OSTN: variants seen among roughly 807,000 people sequenced by gnomAD.
OSTN encodes osteocrin.
OSTN carries 9 observed loss-of-function variants against 12.0 expected under a neutral mutation model. The ratio of observed to expected loss-of-function variants is 0.75; its 90% confidence interval spans 0.45 to 1.30. The LOEUF (loss-of-function observed/expected upper bound fraction) is 1.30. Among genes scored for constraint, OSTN ranks in the 50% most tolerant of loss-of-function variants. The pLI, the probability that OSTN is intolerant of heterozygous loss-of-function variation, is 0.00. For synonymous variants in OSTN, 59 were observed against 56.9 expected (o/e 1.04, Z -0.16); for missense variants, 148 against 152.3 (o/e 0.97, Z 0.15).
chr3:191,243,183 G>T (rs1715358467), intron 3 of OSTN, among the ~76,000 whole-genome samples: 1 of 152,092 alleles, frequency 6.6e-6, no homozygotes, highest in Admixed American at 6.6e-5. Flanking sequence ...GAAATAATAG[G>T]AACTATCATA....
intron 3 of OSTN, among the ~76,000 whole-genome samples, chr3:191,231,206 G>A (rs1390051295): frequency 1.3e-5 from 2 of 151,930 alleles, no homozygotes; most frequent in African/African-American, 4.8e-5. Context: ...AATAGTTATT[G>A]CATAAAATAT....
chr3:191,258,495 G>A (rs940856911), intron 4 of OSTN, among the ~76,000 whole-genome samples: 5 of 150,010 alleles, frequency 3.3e-5, no homozygotes, highest in East Asian at 3.9e-4. Context: ...CTGTCGGGGC[G>A]TAGGAGGCAA....
chr3:191,218,880 A>C lies in OSTN; in HGVS notation c.236A>C (p.Lys79Thr). The C allele has an allele frequency of 1.2e-6, 2 of 1,614,174 alleles. No individual in the cohort carries two copies. The highest frequency in any genetic ancestry group is 2.2e-5 in the South Asian group (2 of 91,082). ...CTAGAAAATGATGTGATTGAGACAA[A>C]GAAGAAAAGGAGTTTCTCTGGTTTT... ...VSLENDVIET[K>T]KKRSFSGFGS... The change falls in exon 3 of 5, where the codon AAG becomes ACG. Residue 79 changes from lysine (K) to threonine (T), a missense_variant. Lys to Thr is a moderately conservative substitution (Grantham distance 78). Coordinates refer to ENST00000682035, the MANE Select transcript of OSTN (RefSeq NM_198184.2).
rs771584947 is a variant in OSTN, at chr3:191,218,766, T to C, written c.122T>C (p.Ile41Thr). Residue 41 changes from isoleucine to threonine, a missense_variant, in exon 3 of 5, where the codon ATA (isoleucine) becomes ACA (threonine). Ile to Thr is a moderately conservative substitution (Grantham distance 89). Coordinates refer to ENST00000682035, the MANE Select transcript of OSTN (RefSeq NM_198184.2). Reference sequence around the variant, plus strand: ...TTATAGGCCTTTGATTCTGGAGTCATAGATGTGCAGTCAACACCCACAGTC... The same window carrying C: ...TTATAGGCCTTTGATTCTGGAGTCACAGATGTGCAGTCAACACCCACAGTC... ...TTTEAFDSGV[I>T]DVQSTPTVRE... 27 of 1,613,962 alleles carry C rather than the reference T, an allele frequency of 1.7e-5. No individual in the cohort carries two copies. In the East Asian group the frequency reaches 5.3e-4, roughly 32 times the overall value.
rs941446681 is a variant in OSTN, at chr3:191,265,501, T to C, written c.*2648T>C. ...GAAAAAATAACTTAATGGAATCTTC[T>C]AAAAGGAAAAAGTATAAAAAGCTTT... On this transcript the variant is annotated 3_prime_UTR_variant, in exon 5 of 5. Transcript: ENST00000682035. 5.3e-5 allele frequency: 8 copies of C among 152,210 alleles called. No individual in the cohort carries two copies. Among genetic ancestry groups the C allele is most frequent in the Non-Finnish European group, 1.0e-4 (7 of 68,028 alleles). 9.4% of individuals were successfully genotyped at this position (152,210 alleles called of 1,614,324 possible). A position where few individuals can be genotyped will look rare whatever the true frequency, so the allele number is the denominator to read the frequency against.
In OSTN at chr3:191,263,768, C is replaced by T. The variant is rs569814954; in HGVS notation, c.*915C>T. ...CAATTGTCTTATTATCCTTAGTAAGCCAATTGAAGAGCATAATGATTTTGA... is the reference window on the plus strand; with the variant it reads ...CAATTGTCTTATTATCCTTAGTAAGTCAATTGAAGAGCATAATGATTTTGA... On this transcript the variant is annotated 3_prime_UTR_variant, in exon 5 of 5. Transcript: ENST00000682035. 6 of 152,132 alleles carry T rather than the reference C, an allele frequency of 3.9e-5. No homozygotes were observed. The East Asian group carries it at 9.7e-4, about 24-fold the overall frequency. The allele number at this position is 152,132 out of a possible 1,614,324, so 9.4% of individuals were successfully genotyped here. A position where few individuals can be genotyped will look rare whatever the true frequency, so the allele number is the denominator to read the frequency against.
chr3:191,225,168 A>C (rs1468551061), intron 3 of OSTN, among the ~76,000 whole-genome samples: 1 of 152,164 alleles, frequency 6.6e-6, no homozygotes, highest in East Asian at 1.9e-4. Context: ...GAACTTGAAA[A>C]ATAGGAAACT....
chr3:191,211,625 AT>A (rs1411070231), intron 1 of OSTN, among the ~76,000 whole-genome samples: 5 of 152,174 alleles, frequency 3.3e-5, no homozygotes, highest in Middle Eastern at 3.4e-3. Context: ...CTCCACCAGA[AT>A]TTTTTTTCCT....
intron 3 of OSTN, among the ~76,000 whole-genome samples, chr3:191,221,116 TCTC>T (rs1050288994): frequency 1.4e-4 from 21 of 152,318 alleles, no homozygotes; most frequent in African/African-American, 4.3e-4. Flanking sequence ...GCTCTGCTCT[TCTC>T]CTTGCTGCCA....
At chr3:191,256,001 C>CA (rs1715662009) in intron 4 of OSTN, among the ~76,000 whole-genome samples, 1 of 151,948 alleles carries the variant, frequency 6.6e-6, no homozygotes, top group African/African-American at 2.4e-5. Flanking sequence ...AAGAAGCAAA[C>CA]TTTGGATTGT....
chr3:191,226,255 T>A (rs578143068), intron 3 of OSTN, among the ~76,000 whole-genome samples: 1 of 152,244 alleles, frequency 6.6e-6, no homozygotes, highest in South Asian at 2.1e-4. Context: ...TTTAATGTAA[T>A]CTTTCATATT....
intron 4 of OSTN, among the ~76,000 whole-genome samples, chr3:191,258,861 G>A (rs1387223045): frequency 1.3e-5 from 2 of 152,056 alleles, no homozygotes; most frequent in Non-Finnish European, 2.9e-5. Context: ...ACTATAGTTG[G>A]CCATGTCTAA....
chr3:191,213,251 A>G (rs1714513045), intron 2 of OSTN: 2 of 152,240 alleles, frequency 1.3e-5, no homozygotes, highest in Non-Finnish European at 1.5e-5. Flanking sequence ...TGTACACAAA[A>G]TAAAATAGAG....
At chr3:191,260,321 C>T (rs1715778689) in intron 4 of OSTN, among the ~76,000 whole-genome samples, 1 of 108,148 alleles carries the variant, frequency 9.2e-6, no homozygotes, top group African/African-American at 3.2e-5. Flanking sequence ...CCAAAAGCCT[C>T]TTCCTGTAAA....
Position 191,220,867 on chromosome 3 carries a change from A to G in OSTN, c.317+1906A>G, listed in dbSNP as rs76462821. On this transcript the variant is annotated intron_variant, in intron 3 of 4. Transcript: ENST00000682035. ...TAGCATAAATACTATAGTATACTAA[A>G]TATACACTGCGTAAATACTATATAA... 7.8e-3 allele frequency among the ~76,000 whole-genome samples: 1,183 copies of G among 152,280 alleles called. 21 individuals carry two copies. The highest frequency in any genetic ancestry group is 0.027 in the African/African-American group (1,130 of 41,546).
At position 191,218,915 on chromosome 3, in the gene OSTN, C is replaced by A; in HGVS notation, c.271C>A (p.Leu91Ile). ...GAGTTTCTCTGGTTTTGGGTCTCCC[C>A]TTGACAGACTCTCAGCTGGCTCTGT... Reference protein sequence around the residue: ...KRSFSGFGSPLDRLSAGSVDH... With the variant: ...KRSFSGFGSPIDRLSAGSVDH... Residue 91 changes from leucine (L) to isoleucine (I), a missense_variant, in exon 3 of 5, where the codon CTT (leucine) becomes ATT (isoleucine). Leu to Ile is a conservative substitution (Grantham distance 5). Transcript: ENST00000682035. The A allele has an allele frequency of 6.2e-7, 1 of 1,614,060 alleles. No individual in the cohort carries two copies. The highest frequency in any genetic ancestry group is 8.5e-7 in the Non-Finnish European group (1 of 1,179,960).
At chr3:191,232,767 A>G (rs1389318721) in intron 3 of OSTN, among the ~76,000 whole-genome samples, 1 of 151,894 alleles carries the variant, frequency 6.6e-6, no homozygotes, top group Admixed American at 6.6e-5. Context: ...GGTGCCTGCC[A>G]CCACACCTGG....
At chr3:191,234,572 C>T (rs1346313119) in intron 3 of OSTN, 1 of 152,300 alleles carries the variant, frequency 6.6e-6, no homozygotes, top group Non-Finnish European at 1.5e-5. Flanking sequence ...TGGCACGCGC[C>T]TGTAATCCCA....
intron 3 of OSTN, 45 bp downstream of exon 3, chr3:191,219,006 C>A (rs1560116079): frequency 6.7e-7 from 1 of 1,495,178 alleles, no homozygotes; most frequent in Non-Finnish European, 9.1e-7. Context: ...CTAATTATTT[C>A]CTTCTGGATT....
Sources: gnomAD v4.1 joint callset for allele counts (sites outside exome capture counted in the v4.1 genomes callset) on GRCh38, gnomAD v4.1.1 for gene constraint, MANE v1.5 for transcripts, NCBI Gene and HGNC (gene_info 2026-07-23, HGNC 2026-07-21) for gene names.